ASCC3: variants seen among roughly 807,000 people sequenced by gnomAD.
The protein encoded by ASCC3 is ASC-1 complex subunit P200.
Under a neutral mutation model 256.3 loss-of-function variants are expected in ASCC3, and 158 were observed. The ratio of observed to expected loss-of-function variants is 0.62; its 90% confidence interval spans 0.54 to 0.70. The LOEUF (loss-of-function observed/expected upper bound fraction) is 0.70. Ranked by LOEUF, ASCC3 falls within the 30% of genes least tolerant of loss-of-function variation. ASCC3 has a pLI of 0.00. For synonymous variants in ASCC3, 948 were observed against 883.4 expected (o/e 1.07, Z -1.30); for missense variants, 2,259 against 2,626.0 (o/e 0.86, Z 3.05).
At chr6:100,733,359 T>C (rs1212730832) in intron 10 of ASCC3, among the ~76,000 whole-genome samples, 1 of 152,136 alleles carries the variant, frequency 6.6e-6, no homozygotes, top group African/African-American at 2.4e-5. Flanking sequence ...GTTTGGGTCA[T>C]GACGTCAGAT....
At chr6:100,706,628 C>T (rs1168448184) in intron 13 of ASCC3, among the ~76,000 whole-genome samples, 5 of 151,886 alleles carry the variant, frequency 3.3e-5, no homozygotes, top group East Asian at 3.9e-4. Context: ...AGTACCTACT[C>T]GGCAATTTTC....
chr6:100,552,807 T>C (rs1769367223), intron 36 of ASCC3, among the ~76,000 whole-genome samples: 1 of 151,862 alleles, frequency 6.6e-6, no homozygotes, highest in Non-Finnish European at 1.5e-5. Context: ...AAAACTCAAG[T>C]GCTATGAACC....
rs765644401 is a variant in ASCC3, at chr6:100,642,632, T to C, written c.3850A>G (p.Ile1284Val). 2.5e-6 allele frequency: 4 copies of C among 1,614,010 alleles called. No homozygotes were observed. Among genetic ancestry groups the C allele is most frequent in the Non-Finnish European group, 3.4e-6 (4 of 1,179,914 alleles). Residue 1284 changes from isoleucine to valine, a missense_variant, in exon 24 of 42, where the codon ATT becomes GTT. Transcript: ENST00000369162. ...AGAATTAGATGTTGAAAGTTGATAA[T>C]ACATACTGCCTCAGCACCCAACCAT... is the stretch of plus-strand genomic sequence containing the variant. ...DRWLGAEAVC[I>V]INFQHLILPE...
At chr6:100,626,935 C>T (rs1774266798) in intron 29 of ASCC3, among the ~76,000 whole-genome samples, 1 of 152,058 alleles carries the variant, frequency 6.6e-6, no homozygotes, top group Non-Finnish European at 1.5e-5. Context: ...ATAATCTGAA[C>T]TGCCAAGATT....
At chr6:100,880,643 A>G (rs1769252941) in intron 1 of ASCC3, among the ~76,000 whole-genome samples, 1 of 152,126 alleles carries the variant, frequency 6.6e-6, no homozygotes, top group Admixed American at 6.5e-5. Flanking sequence ...TCAGCTACCT[A>G]TTTACTTTCC....
chr6:100,763,736 A>T (rs187811152), intron 10 of ASCC3, among the ~76,000 whole-genome samples: 65 of 152,262 alleles, frequency 4.3e-4, no homozygotes, highest in Non-Finnish European at 7.2e-4. Context: ...TTACCCACAA[A>T]TTGTGTTTGC....
At chr6:100,818,733 C>A (rs1582910067) in intron 4 of ASCC3, among the ~76,000 whole-genome samples, 4 of 112,046 alleles carry the variant, frequency 3.6e-5, no homozygotes, top group Admixed American at 2.4e-4. Flanking sequence ...CTAGGCAGGG[C>A]AGTTAGGCAA....
chr6:100,607,967 C>T (rs1772990281), intron 30 of ASCC3, among the ~76,000 whole-genome samples: 1 of 140,248 alleles, frequency 7.1e-6, no homozygotes, highest in African/African-American at 2.6e-5. Flanking sequence ...GGCTTGTGAT[C>T]TTTTTTATAT....
intron 33 of ASCC3, among the ~76,000 whole-genome samples, chr6:100,604,409 T>A (rs1016623330): frequency 6.6e-6 from 1 of 152,012 alleles, no homozygotes; most frequent in African/African-American, 2.4e-5. Context: ...GCTATTTTTT[T>A]TTCTAAATTC....
chr6:100,712,719 A>G (rs528591987), intron 13 of ASCC3, among the ~76,000 whole-genome samples: 1 of 149,412 alleles, frequency 6.7e-6, no homozygotes, highest in East Asian at 2.0e-4. Flanking sequence ...AAAGCTAAAC[A>G]TACTCCTACC....
chr6:100,672,308 T>C (rs1344040296), intron 14 of ASCC3, among the ~76,000 whole-genome samples: 3 of 152,204 alleles, frequency 2.0e-5, no homozygotes, highest in East Asian at 3.9e-4. Context: ...TTTCCACTTC[T>C]AATTAAAGCA....
At chr6:100,791,332 C>A (rs1171817534) in intron 8 of ASCC3, among the ~76,000 whole-genome samples, 1 of 151,818 alleles carries the variant, frequency 6.6e-6, no homozygotes, top group Non-Finnish European at 1.5e-5. Flanking sequence ...AAATCATGGC[C>A]TTCTTGACAG....
chr6:100,684,215 T>C (rs1184468521), intron 13 of ASCC3, among the ~76,000 whole-genome samples: 1 of 152,200 alleles, frequency 6.6e-6, no homozygotes, highest in Non-Finnish European at 1.5e-5. Context: ...TAGAATAAAT[T>C]GTTTAATCTC....
At chr6:100,858,547 T>G in intron 3 of ASCC3, 1 of 975,478 alleles carries the variant, frequency 1.0e-6, no homozygotes, top group Non-Finnish European at 1.2e-6. Flanking sequence ...CATAAAATGC[T>G]TTTTCTCTAC....
intron 37 of ASCC3, among the ~76,000 whole-genome samples, chr6:100,539,509 CTTTTT>C (rs924594265): frequency 1.3e-5 from 2 of 151,878 alleles, no homozygotes; most frequent in African/African-American, 4.8e-5. Context: ...ATACTTCTCA[CTTTTT>C]TTTATTGTTT....
rs747212634 is a variant in ASCC3 at position 100,589,662 on chromosome 6, C to T, written c.5522G>A (p.Ser1841Asn). 15 of 1,613,552 alleles carry T rather than the reference C, an allele frequency of 9.3e-6. No homozygotes were observed. The Admixed American group carries it at 2.3e-4, about 25-fold the overall frequency. ...MFKDRLKPEC[S>N]TEELLSILSD... ...TAGAATTGAAAGCAGTTCTTCAGTA[C>T]TGCATTCAGGCTTCAAGCGGTCCTT... is the stretch of plus-strand genomic sequence containing the variant. Residue 1841 changes from serine to asparagine, a missense_variant, in exon 36 of 42, where the codon AGT becomes AAT. Physicochemically the swap from Ser to Asn is conservative, Grantham distance 46. This residue lies in a region of ASCC3 where 1,839 missense variants were observed against 2,206.7 expected (regional missense o/e 0.83). Transcript: ENST00000369162.
chr6:100,712,858 C>T lies in ASCC3; in HGVS notation c.2151+2604G>A, dbSNP rs532487428. On this transcript the variant is annotated intron_variant, in intron 13 of 41. Transcript: ENST00000369162. ...CTGCAAGCCCCACCTCCCAGGTTCACGCCATTCTCCTGCCTCAGGCTCTGC... is the reference window on the plus strand; with the variant it reads ...CTGCAAGCCCCACCTCCCAGGTTCATGCCATTCTCCTGCCTCAGGCTCTGC... Among the ~76,000 whole-genome samples the T allele has an allele frequency of 6.0e-5, 9 of 150,720 alleles. No homozygotes were observed. In the South Asian group the frequency reaches 1.9e-3, roughly 32 times the overall value.
intron 36 of ASCC3, among the ~76,000 whole-genome samples, chr6:100,549,248 A>G (rs951478284): frequency 6.6e-6 from 1 of 152,006 alleles, no homozygotes; most frequent in Non-Finnish European, 1.5e-5. Flanking sequence ...AAGTATCTTG[A>G]ATATTATTTG....
intron 8 of ASCC3, among the ~76,000 whole-genome samples, chr6:100,790,508 C>T (rs1231697966): frequency 1.3e-5 from 2 of 151,946 alleles, no homozygotes; most frequent in African/African-American, 4.8e-5. Context: ...AAATAGCAAC[C>T]TGTAAATATC....
Sources: allele counts gnomAD v4.1 joint callset (sites outside exome capture counted in the v4.1 genomes callset), GRCh38; gene constraint gnomAD v4.1.1; regional missense constraint gnomAD v4.1.1; transcripts MANE v1.5; gene names NCBI Gene and HGNC (gene_info 2026-07-23, HGNC 2026-07-21).